The following TOGARAM2 variants were observed in gnomAD, a reference collection of about 807,000 sequenced individuals.
The protein encoded by TOGARAM2 is TOG array regulator of axonemal microtubules protein 2.
TOGARAM2 carries 85 observed loss-of-function variants against 93.3 expected under a neutral mutation model. That is an observed-to-expected ratio of 0.91 (90% CI 0.76 to 1.09). The LOEUF is 1.09. Ranked by LOEUF, TOGARAM2 falls within the 50% of genes least tolerant of loss-of-function variation. TOGARAM2 has a pLI of 0.00. For missense variants in TOGARAM2, 1,277 were observed against 1,334.5 expected (o/e 0.96, Z 0.67); for synonymous variants, 593 against 552.8 (o/e 1.07, Z -1.02).
At chr2:28,963,109 G>A (rs1187068724) in intron 1 of TOGARAM2, among the ~76,000 whole-genome samples, 1 of 152,080 alleles carries the variant, frequency 6.6e-6, no homozygotes, top group African/African-American at 2.4e-5. Flanking sequence ...TTACAGGCAT[G>A]AGCCCCTAGC....
At chr2:29,009,500 C>G (rs887281161) in intron 6 of TOGARAM2, among the ~76,000 whole-genome samples, 2 of 140,816 alleles carry the variant, frequency 1.4e-5, no homozygotes, top group South Asian at 4.4e-4. Flanking sequence ...AGGGCAGAGG[C>G]AGGGAGTCTG....
At chr2:28,999,875 C>A (rs1463735280) in intron 4 of TOGARAM2, among the ~76,000 whole-genome samples, 1 of 152,220 alleles carries the variant, frequency 6.6e-6, no homozygotes, top group African/African-American at 2.4e-5. Flanking sequence ...TCACTCTCTG[C>A]CTTCGGTCTC....
chr2:28,959,684 A>G (rs1454124739), intron 1 of TOGARAM2, among the ~76,000 whole-genome samples: 2 of 152,134 alleles, frequency 1.3e-5, no homozygotes. Context: ...CGGAGCTTGC[A>G]GTGAGCTGAG....
intron 6 of TOGARAM2, among the ~76,000 whole-genome samples, chr2:29,006,560 G>T (rs1663889333): frequency 6.6e-6 from 1 of 152,102 alleles, no homozygotes; most frequent in Non-Finnish European, 1.5e-5. Context: ...TCCAGTTCCT[G>T]CTGTGACTGC....
At chr2:29,003,864 G>A (rs998974943) in intron 6 of TOGARAM2, among the ~76,000 whole-genome samples, 182 bp downstream of exon 6, 3 of 152,232 alleles carry the variant, frequency 2.0e-5, no homozygotes, top group East Asian at 3.8e-4. Flanking sequence ...CATGGTTGCC[G>A]GGGCTTCTCT....
In TOGARAM2 at chr2:29,032,974, A is replaced by G. The variant is rs1665859983; in HGVS notation, c.2053A>G (p.Thr685Ala). 2 of 1,613,844 alleles carry G rather than the reference A, an allele frequency of 1.2e-6. No homozygotes were observed. Among genetic ancestry groups the G allele is most frequent in the Middle Eastern group, 1.6e-4 (1 of 6,084 alleles). ...RKMVNILMAN[T>A]KFDAFLKQSL... ...GATGGTGAATATCTTGATGGCGAAC[A>G]CTAAGTTTGATGCATTTCTGAAGCA... is the stretch of plus-strand genomic sequence containing the variant. Residue 685 changes from threonine to alanine, a missense_variant, in exon 15 of 20, where the codon ACT becomes GCT. By Grantham distance (58) the Thr-to-Ala change is moderately conservative (BLOSUM62 0). Transcript: ENST00000379558.
chr2:29,014,279 A>C, intron 7 of TOGARAM2, 116 bp from the exon 8 acceptor site: 2 of 1,282,084 alleles, frequency 1.6e-6, no homozygotes, highest in Non-Finnish European at 2.1e-6. Context: ...GTCTTGCTCC[A>C]TTGAGGAAGA....
chr2:29,034,425 T>C (rs980961674), intron 16 of TOGARAM2, among the ~76,000 whole-genome samples: 1 of 152,242 alleles, frequency 6.6e-6, no homozygotes, highest in African/African-American at 2.4e-5. Flanking sequence ...GCCCCGTTGA[T>C]GTATCTATCT....
chr2:29,035,096 G>A (rs1666002020), intron 16 of TOGARAM2, among the ~76,000 whole-genome samples: 1 of 148,756 alleles, frequency 6.7e-6, no homozygotes, highest in Non-Finnish European at 1.5e-5. Context: ...GTTGCAGTGA[G>A]CTGAGATTGG....
intron 1 of TOGARAM2, among the ~76,000 whole-genome samples, chr2:28,994,127 G>A (rs1672872243): frequency 6.6e-6 from 1 of 152,244 alleles, no homozygotes; most frequent in African/African-American, 2.4e-5. Context: ...AAGAGCTGAG[G>A]GCTGACCCAG....
chr2:29,037,161 A>T (rs1666163609), intron 18 of TOGARAM2, among the ~76,000 whole-genome samples: 1 of 152,044 alleles, frequency 6.6e-6, no homozygotes, highest in Admixed American at 6.5e-5. Context: ...AGGATAGAAG[A>T]AAAAACGGTG....
At chr2:28,957,118 CAAAA>C (rs552674230) in intron 1 of TOGARAM2, among the ~76,000 whole-genome samples, 1 of 151,680 alleles carries the variant, frequency 6.6e-6, no homozygotes, top group Admixed American at 6.6e-5. Context: ...AAACAAAAAA[CAAAA>C]AACGAAAAAC....
At chr2:29,022,359 G>A in intron 11 of TOGARAM2, 51 bp downstream of exon 11, 13 of 1,600,004 alleles carry the variant, frequency 8.1e-6, no homozygotes, top group Non-Finnish European at 1.1e-5. Context: ...AGCAGGGGCT[G>A]TTGCAGAATA....
chr2:29,012,315 G>T (rs1664304556), intron 7 of TOGARAM2, among the ~76,000 whole-genome samples: 1 of 152,218 alleles, frequency 6.6e-6, no homozygotes. Flanking sequence ...AGCTCAGCTG[G>T]TGGGGCAGTT....
intron 16 of TOGARAM2, 131 bp from the exon 17 acceptor site, chr2:29,035,333 G>A: frequency 1.3e-6 from 1 of 761,902 alleles, no homozygotes; most frequent in East Asian, 3.4e-5. Context: ...GGGAAGCTGG[G>A]GGTGGACTAA....
chr2:28,977,022 G>C (rs1029576191), upstream of TOGARAM2, among the ~76,000 whole-genome samples: 1 of 152,116 alleles, frequency 6.6e-6, no homozygotes, highest in Non-Finnish European at 1.5e-5. Context: ...TACCTGGGGG[G>C]GCGTGGCCTG....
At chr2:29,003,111 G>T (rs894913141) in intron 5 of TOGARAM2, among the ~76,000 whole-genome samples, 6 of 152,144 alleles carry the variant, frequency 3.9e-5, no homozygotes, top group Admixed American at 3.3e-4. Context: ...AGAATGCTGG[G>T]CTAGGACTCA....
rs1452301799 is a variant in TOGARAM2 at position 29,026,981 on chromosome 2, G to A, written c.1982G>A (p.Arg661Lys). 2.6e-6 allele frequency: 4 copies of A among 1,564,558 alleles called. No homozygotes were observed. In the African/African-American group the frequency reaches 4.1e-5, roughly 16 times the overall value. Residue 661 changes from arginine (R) to lysine (K), a missense_variant, in exon 14 of 20, where the codon AGG becomes AAG. Physicochemically the swap from Arg to Lys is conservative, Grantham distance 26. Transcript: ENST00000379558. ...STDMLVHNLV[R>K]LAQDSNQDTR... ...GACATGTTGGTGCACAACCTGGTGA[G>A]GCTGGCACAGGACTCCAACCAGGAC...
chr2:28,969,855 C>T (rs928029246), intron 1 of TOGARAM2, among the ~76,000 whole-genome samples: 1 of 147,420 alleles, frequency 6.8e-6, no homozygotes, highest in Admixed American at 6.8e-5. Context: ...TCTTATTGCC[C>T]AGGCTGGGGT....
Sources: allele counts gnomAD v4.1 joint callset (sites outside exome capture counted in the v4.1 genomes callset), GRCh38; gene constraint gnomAD v4.1.1; transcripts MANE v1.5; gene names NCBI Gene and HGNC (gene_info 2026-07-23, HGNC 2026-07-21).